The following PCBP3 variants were observed in gnomAD, a reference collection of about 807,000 sequenced individuals.
The protein encoded by PCBP3 is poly(rC)-binding protein 3.
PCBP3 carries 25 observed loss-of-function variants against 52.7 expected under a neutral mutation model. That is an observed-to-expected ratio of 0.47 (90% CI 0.35 to 0.66). The LOEUF (loss-of-function observed/expected upper bound fraction) is 0.66, where lower values mean the gene tolerates loss of function less well. Among genes scored for constraint, PCBP3 ranks in the 30% least tolerant of loss-of-function variants. The probability of loss-of-function intolerance (pLI) is 0.01; values close to 1 mark genes in which losing one functional copy is unlikely to be tolerated. For missense variants in PCBP3, 391 were observed against 490.3 expected (o/e 0.80, Z 1.91); for synonymous variants, 162 against 183.0 (o/e 0.89, Z 0.93).
chr21:45,672,195 C>A (rs571806371), intron 2 of PCBP3, among the ~76,000 whole-genome samples: 6 of 152,164 alleles, frequency 3.9e-5, no homozygotes, highest in Admixed American at 2.0e-4. Flanking sequence ...TTGTGTGATG[C>A]CCTGCACCAC....
At chr21:45,662,244 A>G (rs570412272) in intron 1 of PCBP3, among the ~76,000 whole-genome samples, 18 of 144,522 alleles carry the variant, frequency 1.2e-4, no homozygotes, top group African/African-American at 4.7e-4. Flanking sequence ...AGTAGTTGGG[A>G]CTACAGGTAT....
chr21:45,942,029 G>T lies in PCBP3; in HGVS notation c.*323G>T, dbSNP rs1304844786. The T allele has an allele frequency of 6.8e-6, 2 of 295,940 alleles. No individual in the cohort carries two copies. Among genetic ancestry groups the T allele is most frequent in the Non-Finnish European group, 1.2e-5 (2 of 160,530 alleles). 18.3% of individuals were successfully genotyped at this position (295,940 alleles called of 1,614,324 possible). A position where few individuals can be genotyped will look rare whatever the true frequency, so the allele number is the denominator to read the frequency against. ...GCGTAGCTGTCTGTCTTAGGAGCTG[G>T]GTCGGCGTTCCGACAGCACTTCCTG... is the stretch of plus-strand genomic sequence containing the variant. On this transcript the variant is annotated 3_prime_UTR_variant, in exon 18 of 18. Coordinates refer to ENST00000681687, the MANE Select transcript of PCBP3 (RefSeq NM_001384156.1).
At chr21:45,675,628 C>CACCTCTTTTTTT (rs1298941636) in intron 2 of PCBP3, among the ~76,000 whole-genome samples, 12 of 152,138 alleles carry the variant, frequency 7.9e-5, no homozygotes, top group Non-Finnish European at 1.3e-4. Flanking sequence ...CCTCTTTTTT[C>CACCTCTTTTTTT]ACCTCTTTTT....
intron 4 of PCBP3, among the ~76,000 whole-genome samples, chr21:45,780,527 T>C (rs2090561385): frequency 6.6e-6 from 1 of 152,242 alleles, no homozygotes; most frequent in Non-Finnish European, 1.5e-5. Context: ...TTATGCTGGC[T>C]GATGTCCTTG....
At chr21:45,680,932 A>G (rs1037482962) in intron 2 of PCBP3, among the ~76,000 whole-genome samples, 5 of 152,182 alleles carry the variant, frequency 3.3e-5, no homozygotes, top group African/African-American at 1.2e-4. Flanking sequence ...TTTACTTCCC[A>G]TGGTTTGGGA....
chr21:45,872,559 G>T (rs533265408), intron 5 of PCBP3: 4 of 152,242 alleles, frequency 2.6e-5, no homozygotes, highest in African/African-American at 9.7e-5. Context: ...CTATTTGATG[G>T]TGATGGCTGT....
chr21:45,766,522 A>G (rs2089341574), intron 4 of PCBP3, among the ~76,000 whole-genome samples: 1 of 152,222 alleles, frequency 6.6e-6, no homozygotes, highest in South Asian at 2.1e-4. Flanking sequence ...ATTCCAACCC[A>G]GCCAGCACCC....
intron 2 of PCBP3, among the ~76,000 whole-genome samples, chr21:45,696,419 A>G (rs2082777255): frequency 6.6e-6 from 1 of 152,120 alleles, no homozygotes; most frequent in African/African-American, 2.4e-5. Flanking sequence ...CACCAAGAAA[A>G]GATGTTTGCA....
chr21:45,710,517 G>T (rs979636428), intron 2 of PCBP3, among the ~76,000 whole-genome samples: 1 of 152,146 alleles, frequency 6.6e-6, no homozygotes, highest in Non-Finnish European at 1.5e-5. Flanking sequence ...AGTATTCCAT[G>T]GTGTATATGT....
intron 3 of PCBP3, chr21:45,749,310 G>A (rs1166368807): frequency 1.3e-5 from 2 of 152,036 alleles, no homozygotes; most frequent in South Asian, 2.1e-4. Flanking sequence ...TGTTTTACAC[G>A]TTCACCAGCA....
At chr21:45,708,036 T>C (rs1213742584) in intron 2 of PCBP3, among the ~76,000 whole-genome samples, 3 of 152,232 alleles carry the variant, frequency 2.0e-5, no homozygotes, top group African/African-American at 7.2e-5. Context: ...GACGTTCTGC[T>C]TCATCACTGA....
intron 4 of PCBP3, chr21:45,836,420 G>C (rs1304562601): frequency 6.6e-6 from 1 of 151,998 alleles, no homozygotes. Flanking sequence ...TGCTGGTCAT[G>C]CCTTCCTGCC....
intron 15 of PCBP3, among the ~76,000 whole-genome samples, chr21:45,932,392 C>T (rs1603545922): frequency 6.6e-6 from 1 of 152,032 alleles, no homozygotes; most frequent in Non-Finnish European, 1.5e-5. Context: ...GATGAATGAA[C>T]ACATCGGCCA....
intron 2 of PCBP3, among the ~76,000 whole-genome samples, chr21:45,712,952 T>C (rs1302120832): frequency 6.6e-6 from 1 of 152,174 alleles, no homozygotes; most frequent in Admixed American, 6.5e-5. Context: ...CTCAAACTTC[T>C]GGGCTCAAGT....
At chr21:45,932,946 A>G (rs2076453422) in intron 15 of PCBP3, among the ~76,000 whole-genome samples, 1 of 152,122 alleles carries the variant, frequency 6.6e-6, no homozygotes, top group African/African-American at 2.4e-5. Context: ...CACATCAGCC[A>G]TGCTGTCCTG....
In PCBP3 at chr21:45,756,045, A is replaced by G. The variant is rs1050700910; in HGVS notation, c.-126+593A>G. Among the ~76,000 whole-genome samples the G allele has an allele frequency of 2.1e-4, 32 of 152,182 alleles. 1 individual carries two copies. Among genetic ancestry groups the G allele is most frequent in the Non-Finnish European group, 2.9e-5 (2 of 68,038 alleles). Reference sequence around the variant, plus strand: ...TCTCCTGTTTTCTCCTAGAAATTATATAGTTTTAGGTCTTTAAATTAGGTC... The same window carrying G: ...TCTCCTGTTTTCTCCTAGAAATTATGTAGTTTTAGGTCTTTAAATTAGGTC... On this transcript the variant is annotated intron_variant, in intron 4 of 17. Coordinates refer to ENST00000681687, the MANE Select transcript of PCBP3 (RefSeq NM_001384156.1).
chr21:45,894,164 A>T (rs2095759677), intron 5 of PCBP3: 1 of 339,430 alleles, frequency 2.9e-6, no homozygotes. Context: ...CGCACGGCAC[A>T]GGATGGCCTC....
intron 2 of PCBP3, among the ~76,000 whole-genome samples, chr21:45,715,833 T>A (rs755617446): frequency 1.2e-4 from 19 of 152,258 alleles, no homozygotes; most frequent in Admixed American, 5.9e-4. Context: ...TTTAAGTGAG[T>A]CATGTTTTTA....
chr21:45,649,097 T>C (rs767784292), intron 1 of PCBP3, among the ~76,000 whole-genome samples: 3 of 151,888 alleles, frequency 2.0e-5, no homozygotes, highest in Admixed American at 6.6e-5. Flanking sequence ...AAGAAAGAGG[T>C]TTAATGGACT....
Sources: allele counts gnomAD v4.1 joint callset (sites outside exome capture counted in the v4.1 genomes callset), GRCh38; gene constraint gnomAD v4.1.1; transcripts MANE v1.5; gene names NCBI Gene and HGNC (gene_info 2026-07-23, HGNC 2026-07-21).